Variants in THSD4 observed in about 807,000 individuals in gnomAD.
THSD4 encodes thrombospondin type-1 domain-containing protein 4.
In THSD4, 69 loss-of-function variants were observed where a neutral mutation model predicts 119.0. The ratio of observed to expected loss-of-function variants is 0.58; its 90% confidence interval spans 0.48 to 0.71. THSD4 has a LOEUF of 0.71. THSD4 is among the 30% of genes least tolerant of loss of function. The pLI, the probability that THSD4 is intolerant of heterozygous loss-of-function variation, is 0.00. For missense variants in THSD4, 1,393 were observed against 1,391.1 expected (o/e 1.00, Z -0.02); for synonymous variants, 524 against 540.4 (o/e 0.97, Z 0.42).
At chr15:71,735,886 C>G (rs2053084805) in intron 10 of THSD4, among the ~76,000 whole-genome samples, 1 of 150,736 alleles carries the variant, frequency 6.6e-6, no homozygotes, top group Admixed American at 6.6e-5. Context: ...GTCTCTGTCT[C>G]TCTGTCTCTC....
chr15:71,098,167 CT>C (rs2040239191), intron 1 of THSD4, among the ~76,000 whole-genome samples: 1 of 145,704 alleles, frequency 6.9e-6, no homozygotes, highest in Admixed American at 6.8e-5. Context: ...CTGAATATAA[CT>C]TTCCAATAAA....
intron 4 of THSD4, among the ~76,000 whole-genome samples, chr15:71,229,343 T>G (rs1384483668): frequency 6.6e-6 from 1 of 152,238 alleles, no homozygotes; most frequent in African/African-American, 2.4e-5. Context: ...TAAATACAGT[T>G]GTCCCTTGGT....
chr15:71,136,646 C>T (rs1220456192), intron 1 of THSD4, among the ~76,000 whole-genome samples: 1 of 151,840 alleles, frequency 6.6e-6, no homozygotes, highest in Admixed American at 6.6e-5. Context: ...TGCGGGAGTT[C>T]CAGAGGACAG....
intron 7 of THSD4, among the ~76,000 whole-genome samples, chr15:71,538,283 C>T (rs1375505952): frequency 6.6e-6 from 1 of 152,124 alleles, no homozygotes; most frequent in Non-Finnish European, 1.5e-5. Context: ...TTTATTTTGT[C>T]ATTGATATAA....
At chr15:71,446,705 G>A (rs1276492481) in intron 7 of THSD4, among the ~76,000 whole-genome samples, 2 of 152,122 alleles carry the variant, frequency 1.3e-5, no homozygotes, top group Admixed American at 1.3e-4. Context: ...TGTCATCAAG[G>A]ACAAGTTTCT....
chr15:71,689,920 G>A (rs2052011107), intron 8 of THSD4, among the ~76,000 whole-genome samples: 1 of 152,174 alleles, frequency 6.6e-6, no homozygotes, highest in South Asian at 2.1e-4. Flanking sequence ...TTTTCATGAG[G>A]CAACCTCTTC....
intron 6 of THSD4, among the ~76,000 whole-genome samples, chr15:71,265,556 G>A (rs1412494430): frequency 4.6e-5 from 7 of 152,160 alleles, no homozygotes; most frequent in African/African-American, 1.7e-4. Flanking sequence ...GCTAGCTGCA[G>A]GAGTTTTTTT....
intron 1 of THSD4, among the ~76,000 whole-genome samples, chr15:71,105,688 C>A (rs2040271230): frequency 1.3e-5 from 2 of 152,222 alleles, no homozygotes; most frequent in South Asian, 4.1e-4. Context: ...TATCACACTA[C>A]ACTATCCTAT....
At chr15:71,692,048 A>G (rs2052063309) in intron 8 of THSD4, among the ~76,000 whole-genome samples, 1 of 152,198 alleles carries the variant, frequency 6.6e-6, no homozygotes, top group African/African-American at 2.4e-5. Context: ...GTAACAAGTA[A>G]TCACATGGGT....
intron 7 of THSD4, among the ~76,000 whole-genome samples, chr15:71,471,163 A>G (rs1456988664): frequency 1.3e-5 from 2 of 152,064 alleles, no homozygotes; most frequent in African/African-American, 4.8e-5. Context: ...CCTCCCATCC[A>G]GTCCCAGGCT....
intron 7 of THSD4, among the ~76,000 whole-genome samples, chr15:71,594,211 C>CTT (rs553999282): frequency 2.1e-5 from 3 of 142,614 alleles, no homozygotes; most frequent in East Asian, 2.0e-4. Flanking sequence ...TGGATGAATC[C>CTT]TTTTTTTTTT....
chr15:71,291,298 CA>C (rs1446007611), intron 6 of THSD4, among the ~76,000 whole-genome samples: 1 of 152,096 alleles, frequency 6.6e-6, no homozygotes, highest in Non-Finnish European at 1.5e-5. Context: ...TCCAGAGAAA[CA>C]AAACCAATAG....
chr15:71,373,827 G>T (rs1561711), intron 6 of THSD4, among the ~76,000 whole-genome samples: 5 of 152,012 alleles, frequency 3.3e-5, no homozygotes, highest in Non-Finnish European at 5.9e-5. Context: ...CAGTGTTCCC[G>T]TTGAGAGTGA....
chr15:71,506,151 C>G (rs1213041201), intron 7 of THSD4, among the ~76,000 whole-genome samples: 2 of 152,206 alleles, frequency 1.3e-5, no homozygotes, highest in African/African-American at 2.4e-5. Flanking sequence ...TTATGGTCTG[C>G]TGAGTTTATG....
chr15:71,758,931 T>C (rs1198369842), intron 15 of THSD4, among the ~76,000 whole-genome samples: 1 of 152,198 alleles, frequency 6.6e-6, no homozygotes, highest in African/African-American at 2.4e-5. Flanking sequence ...TTCCTTTGCC[T>C]TAACCCAGTC....
At chr15:71,462,968 A>G (rs997416745) in intron 7 of THSD4, among the ~76,000 whole-genome samples, 3 of 152,188 alleles carry the variant, frequency 2.0e-5, no homozygotes, top group African/African-American at 7.2e-5. Flanking sequence ...GATATGACCA[A>G]AGATCTCATT....
chr15:71,722,899 C>CA (rs1299776438), intron 8 of THSD4, among the ~76,000 whole-genome samples: 1 of 152,030 alleles, frequency 6.6e-6, no homozygotes, highest in Non-Finnish European at 1.5e-5. Flanking sequence ...GGGATTATAC[C>CA]AAACACACTG....
chr15:71,731,335 C>A, intron 10 of THSD4, 118 bp downstream of exon 10: 2 of 1,010,248 alleles, frequency 2.0e-6, no homozygotes, highest in Non-Finnish European at 3.0e-6. Context: ...AATTGAGGGA[C>A]GCATATTTCA....
At chr15:71,111,347 T>C (rs1180622776), upstream of THSD4, 16 of 1,613,796 alleles carry the variant, frequency 9.9e-6, no homozygotes, top group Admixed American at 2.3e-4. Flanking sequence ...CTTGCCCAGT[T>C]GTGGGTTACA....
Sources: gnomAD v4.1 joint callset for allele counts (sites outside exome capture counted in the v4.1 genomes callset) on GRCh38, gnomAD v4.1.1 for gene constraint, MANE v1.5 for transcripts, NCBI Gene and HGNC (gene_info 2026-07-23, HGNC 2026-07-21) for gene names.